Variants in STEAP1B observed in about 807,000 individuals in gnomAD.
The protein encoded by STEAP1B is STEAP family protein MGC87042.
A neutral mutation model predicts 27.9 loss-of-function variants in STEAP1B; 13 were observed. The observed-to-expected ratio is 0.47, with a 90% CI of 0.30 to 0.74. The LOEUF (loss-of-function observed/expected upper bound fraction) is 0.74. Among genes scored for constraint, STEAP1B ranks in the 30% least tolerant of loss-of-function variants. STEAP1B has a pLI of 0.06. For synonymous variants in STEAP1B, 86 were observed against 107.1 expected (o/e 0.80, Z 1.22); for missense variants, 250 against 298.7 (o/e 0.84, Z 1.20).
intron 4 of STEAP1B, among the ~76,000 whole-genome samples, chr7:22,478,686 G>T (rs1041934627): frequency 6.6e-6 from 1 of 152,130 alleles, no homozygotes; most frequent in African/African-American, 2.4e-5. Context: ...ACTTGGGGGG[G>T]GCTTGGACAG....
intron 4 of STEAP1B, among the ~76,000 whole-genome samples, chr7:22,444,949 C>T (rs1785387026): frequency 6.6e-6 from 1 of 152,066 alleles, no homozygotes; most frequent in African/African-American, 2.4e-5. Context: ...GTCACCAGAG[C>T]GAGCTCTGGG....
intron 4 of STEAP1B, among the ~76,000 whole-genome samples, chr7:22,447,235 C>A (rs1050072288): frequency 6.6e-6 from 1 of 152,142 alleles, no homozygotes; most frequent in Admixed American, 6.5e-5. Context: ...GCACTTTGCA[C>A]AAGCATTTCA....
chr7:22,450,215 A>G (rs540031819), intron 4 of STEAP1B, among the ~76,000 whole-genome samples: 22 of 152,242 alleles, frequency 1.4e-4, no homozygotes, highest in Non-Finnish European at 3.1e-4. Flanking sequence ...GTATCACTCA[A>G]GTGCTTGTGG....
chr7:22,466,155 T>C (rs936984271), intron 4 of STEAP1B, among the ~76,000 whole-genome samples: 1 of 152,238 alleles, frequency 6.6e-6, no homozygotes, highest in Non-Finnish European at 1.5e-5. Context: ...AGTGCTAAAA[T>C]ATCCTTTTTT....
chr7:22,499,382 G>GTTTT lies in STEAP1B; in HGVS notation c.-32+728_-32+731dup, dbSNP rs762539777. Among the ~76,000 whole-genome samples, 374 of 150,118 alleles carry GTTTT rather than the reference G, an allele frequency of 2.5e-3. 5 individuals are homozygous for GTTTT. The highest frequency in any genetic ancestry group is 7.9e-3 in the African/African-American group (321 of 40,512). On this transcript the variant is annotated intron_variant, in intron 1 of 4. Transcript: ENST00000678116. ...AACTAAGTGAAGTCGAGTTTTTTGG[G>GTTTT]TTTTTTTTTCACTGTGCTGTTTTTC...
intron 4 of STEAP1B, among the ~76,000 whole-genome samples, chr7:22,454,865 A>ATATATTTTTTTTTT (rs1311730510): frequency 7.9e-6 from 1 of 126,164 alleles, no homozygotes; most frequent in African/African-American, 3.2e-5. Flanking sequence ...ATATATATAT[A>ATATATTTTTTTTTT]TTTTTTTTTT....
chr7:22,489,294 A>G (rs1334021088), intron 4 of STEAP1B, among the ~76,000 whole-genome samples: 1 of 152,220 alleles, frequency 6.6e-6, no homozygotes, highest in Non-Finnish European at 1.5e-5. Flanking sequence ...AGAGAACATA[A>G]TACGGTCAAA....
At chr7:22,476,850 T>TCTCATCTC (rs1313896415) in intron 4 of STEAP1B, among the ~76,000 whole-genome samples, 2 of 152,168 alleles carry the variant, frequency 1.3e-5, no homozygotes, top group African/African-American at 4.8e-5. Context: ...AAAACCTGAC[T>TCTCATCTC]AAGGAGGAAT....
At chr7:22,471,699 C>T (rs1193901494) in intron 4 of STEAP1B, among the ~76,000 whole-genome samples, 1 of 151,882 alleles carries the variant, frequency 6.6e-6, no homozygotes, top group African/African-American at 2.4e-5. Flanking sequence ...TTCAGGAGTT[C>T]GAAAGCAGCC....
intron 4 of STEAP1B, among the ~76,000 whole-genome samples, chr7:22,433,116 GA>G (rs781703116): frequency 5.7e-4 from 85 of 150,120 alleles, no homozygotes; most frequent in Non-Finnish European, 1.1e-3. Flanking sequence ...GAATCTAACA[GA>G]ACCTAAATGA....
At chr7:22,454,405 C>G (rs571135159) in intron 4 of STEAP1B, among the ~76,000 whole-genome samples, 2 of 152,136 alleles carry the variant, frequency 1.3e-5, no homozygotes, top group East Asian at 3.9e-4. Context: ...CTGGAATAGC[C>G]CTCTGGAAGT....
intron 4 of STEAP1B, among the ~76,000 whole-genome samples, chr7:22,464,194 T>C (rs546076700): frequency 2.1e-4 from 32 of 152,332 alleles, no homozygotes; most frequent in African/African-American, 7.7e-4. Context: ...TTTAGAACAA[T>C]GTGTTCGCAA....
intron 4 of STEAP1B, among the ~76,000 whole-genome samples, chr7:22,425,256 T>C (rs1272024906): frequency 6.6e-6 from 1 of 152,194 alleles, no homozygotes; most frequent in Non-Finnish European, 1.5e-5. Context: ...CTCTGTACTG[T>C]TCATATACTT....
At chr7:22,458,997 T>C (rs1292311947) in intron 4 of STEAP1B, among the ~76,000 whole-genome samples, 1 of 152,062 alleles carries the variant, frequency 6.6e-6, no homozygotes, top group Admixed American at 6.5e-5. Context: ...AAGTCACCTA[T>C]AAAGCCAAAA....
intron 4 of STEAP1B, among the ~76,000 whole-genome samples, chr7:22,464,018 C>A (rs1484349103): frequency 6.6e-6 from 1 of 151,986 alleles, no homozygotes; most frequent in Admixed American, 6.6e-5. Context: ...AGTGAACAGG[C>A]AACCTACAAA....
intron 4 of STEAP1B, chr7:22,492,340 A>T: frequency 6.9e-6 from 2 of 291,554 alleles, no homozygotes; most frequent in Non-Finnish European, 1.1e-5. Context: ...AAAAAAAAAA[A>T]AAAAAAAGGA....
In STEAP1B at chr7:22,454,843, A is replaced by ATG. The variant is rs1562572831; in HGVS notation, c.763-35008_763-35007insCA. On this transcript the variant is annotated intron_variant, in intron 4 of 4. Transcript: ENST00000678116. ...AAGAAAATATTATATATATATATAT[A>ATG]TATATGTATATATATATATATATTT... is the stretch of plus-strand genomic sequence containing the variant. Among the ~76,000 whole-genome samples, 60 of 93,408 alleles carry ATG rather than the reference A, an allele frequency of 6.4e-4. No individual in the cohort carries two copies. The East Asian group carries it at 0.016, about 25-fold the overall frequency. The allele number at this position is 93,408 out of a possible 152,430, so 61.3% of individuals were successfully genotyped here. A position where few individuals can be genotyped will look rare whatever the true frequency, so the allele number is the denominator to read the frequency against.
rs557230508 is a variant in STEAP1B, at chr7:22,469,660, T to C, written c.762+22905A>G. Among the ~76,000 whole-genome samples the C allele has an allele frequency of 2.6e-5, 4 of 152,312 alleles. No individual in the cohort carries two copies. In the East Asian group the frequency reaches 7.7e-4, roughly 29 times the overall value. Reference sequence around the variant, plus strand: ...TACAGTATTCAATAGAGTAGCATGCTCAACAGATTTGTAGCTAGGAGCACT... The same window carrying C: ...TACAGTATTCAATAGAGTAGCATGCCCAACAGATTTGTAGCTAGGAGCACT... On this transcript the variant is annotated intron_variant, in intron 4 of 4. Coordinates refer to ENST00000678116, the MANE Select transcript of STEAP1B (RefSeq NM_001382447.1).
At chr7:22,481,674 C>T (rs770097804) in intron 4 of STEAP1B, among the ~76,000 whole-genome samples, 1 of 152,202 alleles carries the variant, frequency 6.6e-6, no homozygotes, top group Non-Finnish European at 1.5e-5. Context: ...ACACACAAGA[C>T]TCACGTAACG....
Sources: gnomAD v4.1 joint callset for allele counts (sites outside exome capture counted in the v4.1 genomes callset) on GRCh38, gnomAD v4.1.1 for gene constraint, MANE v1.5 for transcripts, NCBI Gene and HGNC (gene_info 2026-07-23, HGNC 2026-07-21) for gene names.